Variants in PEX11G observed in about 807,000 individuals in gnomAD.
The protein encoded by PEX11G is peroxisomal biogenesis factor 11 gamma.
Under a neutral mutation model 22.5 loss-of-function variants are expected in PEX11G, and 20 were observed. That is an observed-to-expected ratio of 0.89 (90% CI 0.62 to 1.29). PEX11G has a LOEUF of 1.29. PEX11G is among the 50% of genes most tolerant of loss of function. The pLI, the probability that PEX11G is intolerant of heterozygous loss-of-function variation, is 0.00. For synonymous variants in PEX11G, 141 were observed against 154.5 expected (o/e 0.91, Z 0.65); for missense variants, 347 against 331.3 (o/e 1.05, Z -0.37).
At chr19:7,492,374 C>T (rs1340579968), upstream of PEX11G, among the ~76,000 whole-genome samples, 5 of 152,142 alleles carry the variant, frequency 3.3e-5, no homozygotes, top group East Asian at 7.7e-4. Context: ...GTGTGACGTG[C>T]CACCCCATTG....
At chr19:7,492,656 G>A (rs977138992), upstream of PEX11G, among the ~76,000 whole-genome samples, 3 of 152,102 alleles carry the variant, frequency 2.0e-5, no homozygotes, top group African/African-American at 7.2e-5. Flanking sequence ...TGGCCAGGCT[G>A]GTCTCCAACT....
chr19:7,489,882 G>T (rs2021839528), upstream of PEX11G, among the ~76,000 whole-genome samples: 1 of 150,044 alleles, frequency 6.7e-6, no homozygotes, highest in South Asian at 2.1e-4. Context: ...TTTTGAGACG[G>T]AGTCTTGCTC....
At chr19:7,482,590 C>T (rs894715271) in intron 2 of PEX11G, among the ~76,000 whole-genome samples, 2 of 152,222 alleles carry the variant, frequency 1.3e-5, no homozygotes, top group African/African-American at 2.4e-5. Flanking sequence ...ATTCCCAGGC[C>T]AAGTTGGGAG....
At chr19:7,488,805 C>A in intron 1 of PEX11G, 146 bp downstream of exon 1, 1 of 812,250 alleles carries the variant, frequency 1.2e-6, no homozygotes. Flanking sequence ...ATGTCCAATG[C>A]TAGGGCACCG....
upstream of PEX11G, among the ~76,000 whole-genome samples, chr19:7,493,349 C>T (rs1027160728): frequency 5.3e-5 from 8 of 152,038 alleles, no homozygotes; most frequent in South Asian, 2.1e-4. Flanking sequence ...CCTGCTACCA[C>T]GCCCCCACTA....
intron 2 of PEX11G, among the ~76,000 whole-genome samples, chr19:7,483,053 C>T (rs1227624183): frequency 1.3e-5 from 2 of 152,124 alleles, no homozygotes; most frequent in African/African-American, 4.8e-5. Flanking sequence ...CGCAGCCAAC[C>T]GGGGGACCCG....
chr19:7,489,175 G>C (rs1013529754), upstream of PEX11G: 1 of 760,346 alleles, frequency 1.3e-6, no homozygotes, highest in African/African-American at 1.9e-5. Context: ...AGTTTGCAGA[G>C]GTGGGGCCGA....
chr19:7,492,340 T>G (rs1219463049), upstream of PEX11G, among the ~76,000 whole-genome samples: 1 of 152,230 alleles, frequency 6.6e-6, no homozygotes, highest in Admixed American at 6.5e-5. Flanking sequence ...CATCCTTTTT[T>G]GATTATGATA....
At chr19:7,492,944 G>A (rs992830879), upstream of PEX11G, 2 of 152,040 alleles carry the variant, frequency 1.3e-5, no homozygotes, top group Admixed American at 6.6e-5. Flanking sequence ...TCCTTTACTC[G>A]AATGTCATCC....
intron 1 of PEX11G, among the ~76,000 whole-genome samples, chr19:7,488,498 C>G (rs1380350187): frequency 6.6e-6 from 1 of 152,174 alleles, no homozygotes; most frequent in Non-Finnish European, 1.5e-5. Flanking sequence ...TTGGCAGAAA[C>G]TATCTAAATG....
At chr19:7,479,965 TA>T (rs945399805) in intron 3 of PEX11G, among the ~76,000 whole-genome samples, 1 of 151,946 alleles carries the variant, frequency 6.6e-6, no homozygotes, top group African/African-American at 2.4e-5. Flanking sequence ...AAAACTGCTC[TA>T]AAAAAATAAA....
Position 7,477,321 on chromosome 19 carries a change from C to G in PEX11G, c.607G>C (p.Val203Leu), listed in dbSNP as rs747587409. 6.4e-7 allele frequency: 1 copy of G among 1,559,054 alleles called. No individual in the cohort carries two copies. Among genetic ancestry groups the G allele is most frequent in the Admixed American group, 1.9e-5 (1 of 51,466 alleles). ...GGCGGGAAGCGGCCGGCCCACAGCA[C>G]GCCCCGGGGCAGCCAGTGCACGGCG... ...ANAVHWLPRG[V>L]LWAGRFPPWL... The change falls in exon 5 of 5, where the codon GTG (valine) becomes CTG (leucine). Residue 203 changes from valine (V) to leucine (L), a missense_variant. Val to Leu is a conservative substitution (Grantham distance 32, BLOSUM62 1). Coordinates refer to ENST00000221480, the MANE Select transcript of PEX11G (RefSeq NM_080662.4).
chr19:7,477,595 G>A (rs1380171958), intron 4 of PEX11G, among the ~76,000 whole-genome samples, 159 bp from the exon 5 acceptor site: 2 of 152,168 alleles, frequency 1.3e-5, no homozygotes, highest in African/African-American at 4.8e-5. Flanking sequence ...CACAGAGACT[G>A]AGTCCCCATC....
chr19:7,489,056 G>C (rs2021804692), upstream of PEX11G: 4 of 1,464,260 alleles, frequency 2.7e-6, no homozygotes, highest in Non-Finnish European at 3.6e-6. Flanking sequence ...CGCGCCAGGG[G>C]GCGGGGCCAG....
At chr19:7,493,834 C>T (rs1230174921), upstream of PEX11G, among the ~76,000 whole-genome samples, 1 of 134,676 alleles carries the variant, frequency 7.4e-6, no homozygotes, top group Non-Finnish European at 1.7e-5. Context: ...GGTGAAACCC[C>T]GTCTCAAAAA....
At chr19:7,481,477 C>T (rs1977487432) in intron 3 of PEX11G, among the ~76,000 whole-genome samples, 1 of 152,344 alleles carries the variant, frequency 6.6e-6, no homozygotes, top group South Asian at 2.1e-4. Flanking sequence ...GCTGGGATTA[C>T]AGGCATGAGC....
At chr19:7,477,786 C>T (rs541695715) in intron 4 of PEX11G, among the ~76,000 whole-genome samples, 12 of 152,340 alleles carry the variant, frequency 7.9e-5, no homozygotes, top group South Asian at 2.1e-4. Flanking sequence ...TGTGCCTGCC[C>T]GGCCTTTCTT....
At chr19:7,481,969 C>T in intron 3 of PEX11G, 64 bp downstream of exon 3, 1 of 1,438,930 alleles carries the variant, frequency 6.9e-7, no homozygotes, top group South Asian at 1.4e-5. Flanking sequence ...GGGGCCGCTG[C>T]CACTTTGCTA....
upstream of PEX11G, among the ~76,000 whole-genome samples, chr19:7,492,357 G>A (rs927257488): frequency 1.3e-5 from 2 of 152,148 alleles, no homozygotes; most frequent in South Asian, 2.1e-4. Flanking sequence ...GATAGCCATC[G>A]TAGTAGGTGT....
Sources: gnomAD v4.1 joint callset for allele counts (sites outside exome capture counted in the v4.1 genomes callset) on GRCh38, gnomAD v4.1.1 for gene constraint, MANE v1.5 for transcripts, NCBI Gene and HGNC (gene_info 2026-07-23, HGNC 2026-07-21) for gene names.